GNAI1: variants seen among roughly 807,000 people sequenced by gnomAD.
GNAI1 encodes G protein subunit alpha i1.
In GNAI1, 11 loss-of-function variants were observed where a neutral mutation model predicts 38.9. That is an observed-to-expected ratio of 0.28 (90% CI 0.18 to 0.47). GNAI1 has a LOEUF of 0.47. Among genes scored for constraint, GNAI1 ranks in the 20% least tolerant of loss-of-function variants. GNAI1 has a pLI of 0.99. For missense variants in GNAI1, 317 were observed against 436.9 expected, an observed-to-expected ratio of 0.73 and a Z score of 2.45; for synonymous variants, 166 against 145.1, an observed-to-expected ratio of 1.14 and a Z score of -1.04.
rs10226678 is a variant in GNAI1, at chr7:80,218,860, C to T, written c.*1367C>T. The stretch of plus-strand genomic sequence containing the variant: ...TACTGAGCTTTGATAGAATAATTTT[C>T]TTTTGATTATTCATGATGTGTCATC... On this transcript the variant is annotated 3_prime_UTR_variant, in exon 8 of 8. Transcript: ENST00000649796. The T allele has an allele frequency of 1.3e-5, 2 of 150,298 alleles. No homozygotes were observed. The highest frequency in any genetic ancestry group is 6.6e-5 in the Admixed American group (1 of 15,200). 9.3% of individuals were successfully genotyped at this position (150,298 alleles called of 1,614,324 possible).
intron 5 of GNAI1, among the ~76,000 whole-genome samples, chr7:80,209,902 A>G (rs984694678): frequency 7.9e-5 from 12 of 152,142 alleles, no homozygotes; most frequent in Non-Finnish European, 1.6e-4. Flanking sequence ...GCTTACCTGA[A>G]TTTAATGAAC....
chr7:80,216,667 C>CA (rs1174781485), intron 7 of GNAI1, among the ~76,000 whole-genome samples: 1 of 152,076 alleles, frequency 6.6e-6, no homozygotes, highest in Admixed American at 6.6e-5. Flanking sequence ...ATTGCGGGGT[C>CA]AGAGTGTGTG....
chr7:80,163,749 C>T (rs1787963123), intron 1 of GNAI1, among the ~76,000 whole-genome samples: 1 of 152,098 alleles, frequency 6.6e-6, no homozygotes, highest in Non-Finnish European at 1.5e-5. Context: ...TTTAGAGTTG[C>T]CCCACAAGGT....
intron 1 of GNAI1, among the ~76,000 whole-genome samples, chr7:80,169,426 G>A (rs1228343041): frequency 6.6e-6 from 1 of 152,014 alleles, no homozygotes; most frequent in Non-Finnish European, 1.5e-5. Flanking sequence ...AAAATCTTTG[G>A]ACTTCTATTT....
At chr7:80,145,993 G>A (rs562617330) in intron 1 of GNAI1, among the ~76,000 whole-genome samples, 6 of 152,188 alleles carry the variant, frequency 3.9e-5, no homozygotes, top group African/African-American at 1.4e-4. Context: ...AAAATTATAT[G>A]TTGCATACAT....
At chr7:80,174,506 TAAAGA>T (rs955694178) in intron 1 of GNAI1, among the ~76,000 whole-genome samples, 1 of 151,540 alleles carries the variant, frequency 6.6e-6, no homozygotes, top group Admixed American at 6.6e-5. Flanking sequence ...CATTATGTAT[TAAAGA>T]AAACTATAGT....
intron 1 of GNAI1, among the ~76,000 whole-genome samples, chr7:80,145,802 G>A (rs962791461): frequency 1.3e-5 from 2 of 152,076 alleles, no homozygotes; most frequent in Admixed American, 6.6e-5. Flanking sequence ...TAAGCAGTAC[G>A]TTGTCTGTGT....
At chr7:80,184,791 C>T (rs1282354228) in intron 1 of GNAI1, among the ~76,000 whole-genome samples, 1 of 152,184 alleles carries the variant, frequency 6.6e-6, no homozygotes, top group Non-Finnish European at 1.5e-5. Flanking sequence ...TGACTAGCTA[C>T]CTACTATAAC....
intron 1 of GNAI1, among the ~76,000 whole-genome samples, chr7:80,163,007 G>T (rs1404332256): frequency 6.6e-6 from 1 of 152,138 alleles, no homozygotes; most frequent in Non-Finnish European, 1.5e-5. Context: ...TTGTTTTAGG[G>T]AATGTGGCCA....
chr7:80,191,650 C>T (rs1322132412), intron 3 of GNAI1, among the ~76,000 whole-genome samples: 1 of 152,128 alleles, frequency 6.6e-6, no homozygotes, highest in Non-Finnish European at 1.5e-5. Context: ...CCTCGGCCTC[C>T]CAAAGTGCTA....
At chr7:80,174,537 T>C (rs116020345) in intron 1 of GNAI1, among the ~76,000 whole-genome samples, 3,473 of 151,914 alleles carry the variant, frequency 0.023, 141 homozygotes, top group African/African-American at 0.079. Context: ...ACTCATTAAT[T>C]ATAAATATTT....
intron 1 of GNAI1, among the ~76,000 whole-genome samples, chr7:80,138,678 A>C (rs908970280): frequency 6.6e-6 from 1 of 152,212 alleles, no homozygotes; most frequent in Non-Finnish European, 1.5e-5. Context: ...TATTTGGAGG[A>C]CATAAGATTT....
intron 1 of GNAI1, among the ~76,000 whole-genome samples, chr7:80,148,021 C>CTGTTGT (rs151041980): frequency 3.3e-5 from 5 of 151,936 alleles, no homozygotes; most frequent in African/African-American, 1.2e-4. Context: ...TTTTTTGTTG[C>CTGTTGT]TGTTGTTGTT....
At chr7:80,198,816 T>C (rs1788628381) in intron 3 of GNAI1, among the ~76,000 whole-genome samples, 1 of 152,196 alleles carries the variant, frequency 6.6e-6, no homozygotes, top group Non-Finnish European at 1.5e-5. Flanking sequence ...CTCTAATCTT[T>C]GAAAGTTATG....
chr7:80,170,832 C>T (rs1270688696), intron 1 of GNAI1, among the ~76,000 whole-genome samples: 3 of 152,056 alleles, frequency 2.0e-5, no homozygotes, highest in African/African-American at 7.2e-5. Flanking sequence ...GGACACAGAC[C>T]CAAACCATAT....
intron 3 of GNAI1, among the ~76,000 whole-genome samples, chr7:80,191,553 G>C (rs970022882): frequency 3.3e-5 from 5 of 151,860 alleles, no homozygotes; most frequent in African/African-American, 1.2e-4. Context: ...CACCACACCT[G>C]GCTAATTTTT....
At chr7:80,173,834 A>G (rs1004329708) in intron 1 of GNAI1, among the ~76,000 whole-genome samples, 1 of 152,064 alleles carries the variant, frequency 6.6e-6, no homozygotes. Flanking sequence ...CGTCTCTCCT[A>G]CGCTATATTG....
rs1330277755 is a variant in GNAI1 at position 80,135,073 on chromosome 7, C to T, written c.-88C>T. Reference sequence around the variant, plus strand: ...GCCCCCGTCGGGAGGCGTTCGAACGCCCGCTAGGAGAGAGAAAGGATTCCC... The same window carrying T: ...GCCCCCGTCGGGAGGCGTTCGAACGTCCGCTAGGAGAGAGAAAGGATTCCC... On this transcript the variant is annotated 5_prime_UTR_variant, in exon 1 of 8. Transcript: ENST00000649796. 3 of 873,072 alleles carry T rather than the reference C, an allele frequency of 3.4e-6. No individual in the cohort carries two copies. The highest frequency in any genetic ancestry group is 4.8e-6 in the Non-Finnish European group (3 of 624,448). 54.1% of individuals were successfully genotyped at this position (873,072 alleles called of 1,614,324 possible).
chr7:80,207,638 T>G (rs534247497), intron 5 of GNAI1, among the ~76,000 whole-genome samples: 36 of 152,260 alleles, frequency 2.4e-4, no homozygotes, highest in African/African-American at 8.7e-4. Context: ...CTCAGATGAA[T>G]GAGAGCAGAA....
Sources: allele counts gnomAD v4.1 joint callset (sites outside exome capture counted in the v4.1 genomes callset), GRCh38; gene constraint gnomAD v4.1.1; transcripts MANE v1.5; gene names NCBI Gene and HGNC (gene_info 2026-07-23, HGNC 2026-07-21).